Variants in BMP2K observed in about 807,000 individuals in gnomAD.
BMP2K encodes the protein BMP-2-inducible protein kinase.
Under a neutral mutation model 116.0 loss-of-function variants are expected in BMP2K, and 74 were observed. That is an observed-to-expected ratio of 0.64 (90% CI 0.53 to 0.77). The LOEUF (loss-of-function observed/expected upper bound fraction) is 0.77. Among genes scored for constraint, BMP2K ranks in the 30% least tolerant of loss-of-function variants. The pLI, the probability that BMP2K is intolerant of heterozygous loss-of-function variation, is 0.00. For synonymous variants in BMP2K, 486 were observed against 502.5 expected (o/e 0.97, Z 0.44); for missense variants, 1,365 against 1,403.6 (o/e 0.97, Z 0.44).
chr4:78,783,956 C>T (rs879414000), intron 1 of BMP2K, among the ~76,000 whole-genome samples: 5 of 151,928 alleles, frequency 3.3e-5, no homozygotes, highest in Admixed American at 1.3e-4. Context: ...GCTATGTCTT[C>T]GATATTTTAA....
intron 13 of BMP2K, among the ~76,000 whole-genome samples, chr4:78,877,515 T>C (rs2110065810): frequency 6.6e-6 from 1 of 152,262 alleles, no homozygotes; most frequent in East Asian, 1.9e-4. Context: ...CCACATCTTG[T>C]CTCACTGCAA....
chr4:78,905,158 C>A (rs1219114433), intron 15 of BMP2K, among the ~76,000 whole-genome samples: 2 of 151,452 alleles, frequency 1.3e-5, no homozygotes, highest in Non-Finnish European at 1.5e-5. Context: ...ATTGATTAAC[C>A]CTTTCGTTAA....
chr4:78,888,352 A>G (rs931106258), intron 15 of BMP2K, among the ~76,000 whole-genome samples: 1 of 152,180 alleles, frequency 6.6e-6, no homozygotes, highest in African/African-American at 2.4e-5. Context: ...TATACCCCCA[A>G]TACCCTGGGT....
chr4:78,910,334 G>A (rs1577987196), intron 15 of BMP2K, among the ~76,000 whole-genome samples: 1 of 152,186 alleles, frequency 6.6e-6, no homozygotes, highest in Non-Finnish European at 1.5e-5. Context: ...TACATTCTGT[G>A]TGCTATAAAT....
intron 15 of BMP2K, among the ~76,000 whole-genome samples, chr4:78,908,902 T>C (rs1196316494): frequency 6.6e-6 from 1 of 152,132 alleles, no homozygotes; most frequent in Non-Finnish European, 1.5e-5. Flanking sequence ...TTTCTGTTAA[T>C]GGTGCTGCCA....
At chr4:78,825,039 C>T (rs1729802719) in intron 1 of BMP2K, among the ~76,000 whole-genome samples, 1 of 152,052 alleles carries the variant, frequency 6.6e-6, no homozygotes, top group Non-Finnish European at 1.5e-5. Flanking sequence ...CTCGTCTCTA[C>T]TGAAAATACA....
rs185654897 is a variant in BMP2K at position 78,815,426 on chromosome 4, C to T, written c.179-10611C>T. Among the ~76,000 whole-genome samples the T allele has an allele frequency of 1.3e-4, 20 of 152,130 alleles. 1 individual carries two copies. Among genetic ancestry groups the T allele is most frequent in the Admixed American group, 1.2e-3 (19 of 15,274 alleles). On this transcript the variant is annotated intron_variant, in intron 1 of 15. Transcript: ENST00000502613. ...TTTTAAGTATAAAGAGGTAATTTCT[C>T]TTCAGGAAGAAGAGAGATGATAGCC... is the stretch of plus-strand genomic sequence containing the variant.
chr4:78,912,966 T>C lies in BMP2K; in HGVS notation c.*933T>C, dbSNP rs1466218637. Reference sequence around the variant, plus strand: ...TAATAAAGCAGATTATTGGAAAAATTGGAGGACAAGGGTTGTATAAAAATT... The same window carrying C: ...TAATAAAGCAGATTATTGGAAAAATCGGAGGACAAGGGTTGTATAAAAATT... On this transcript the variant is annotated 3_prime_UTR_variant, in exon 16 of 16. Coordinates refer to ENST00000502613, the MANE Select transcript of BMP2K (RefSeq NM_198892.2). 2 of 152,128 alleles carry C rather than the reference T, an allele frequency of 1.3e-5. No individual in the cohort carries two copies. Among genetic ancestry groups the C allele is most frequent in the African/African-American group, 2.4e-5 (1 of 41,436 alleles). The allele number at this position is 152,128 out of a possible 1,614,324, so 9.4% of individuals were successfully genotyped here. A position where few individuals can be genotyped will look rare whatever the true frequency, so the allele number is the denominator to read the frequency against.
chr4:78,872,099 A>G (rs774325092), intron 12 of BMP2K, 151 bp downstream of exon 12: 16 of 637,202 alleles, frequency 2.5e-5, no homozygotes, highest in Non-Finnish European at 4.2e-5. Context: ...ATTCTCAAGC[A>G]GCTTTAAATT....
intron 1 of BMP2K, among the ~76,000 whole-genome samples, chr4:78,792,550 C>T (rs1728053358): frequency 6.6e-6 from 1 of 152,192 alleles, no homozygotes; most frequent in Non-Finnish European, 1.5e-5. Flanking sequence ...GGAATTTGAA[C>T]TTTCAAAGAA....
chr4:78,878,839 T>C lies in BMP2K; in HGVS notation c.1899T>C (p.Ser633=), dbSNP rs1017088354. The change falls in exon 14 of 16, where the codon TCT becomes TCC. Residue 633 remains serine, a synonymous_variant. Coordinates refer to ENST00000502613, the MANE Select transcript of BMP2K (RefSeq NM_198892.2). The stretch of plus-strand genomic sequence containing the variant: ...ATCCTTTTGGAGAGGATAATTTCTC[T>C]AAGTTAACAGAAGAGGAACTATTGG... ...GWNPFGEDNF[S]KLTEEELLDR... 4 of 1,613,676 alleles carry C rather than the reference T, an allele frequency of 2.5e-6. No individual in the cohort carries two copies. The Admixed American group carries it at 6.7e-5, about 27-fold the overall frequency.
In BMP2K at chr4:78,887,295, C is replaced by T; in HGVS notation, c.2062+11C>T. ...TCATTTCTCATTCAGGCAAGTTACACATGTAACATCATCACTGTCACAAAT... is the reference window on the plus strand; with the variant it reads ...TCATTTCTCATTCAGGCAAGTTACATATGTAACATCATCACTGTCACAAAT... On this transcript the variant is annotated intron_variant, in intron 15 of 15. Transcript: ENST00000502613. 12 of 1,538,294 alleles carry T rather than the reference C, an allele frequency of 7.8e-6. No homozygotes were observed. The highest frequency in any genetic ancestry group is 1.8e-5 in the Admixed American group (1 of 56,950).
intron 10 of BMP2K, among the ~76,000 whole-genome samples, chr4:78,866,576 T>A (rs781346473): frequency 6.6e-6 from 1 of 152,202 alleles, no homozygotes; most frequent in Non-Finnish European, 1.5e-5. Flanking sequence ...ATGCCTTTGA[T>A]AAATGTTAAC....
intron 15 of BMP2K, among the ~76,000 whole-genome samples, chr4:78,908,772 G>C (rs565148579): frequency 6.6e-6 from 1 of 152,180 alleles, no homozygotes; most frequent in East Asian, 1.9e-4. Flanking sequence ...TAAAATTTGT[G>C]TGTGGGTACA....
intron 14 of BMP2K, among the ~76,000 whole-genome samples, chr4:78,880,882 A>G (rs79502202): frequency 6.6e-6 from 1 of 152,364 alleles, no homozygotes; most frequent in East Asian, 1.9e-4. Context: ...ACTAAGATCC[A>G]AAGGAAAGTG....
chr4:78,841,128 TG>T (rs749965788), intron 3 of BMP2K, among the ~76,000 whole-genome samples: 39 of 152,300 alleles, frequency 2.6e-4, no homozygotes, highest in South Asian at 2.1e-3. Context: ...ATGTTCTTTT[TG>T]CTTTAAAATT....
intron 7 of BMP2K, among the ~76,000 whole-genome samples, chr4:78,858,398 G>A (rs1425255085): frequency 6.6e-6 from 1 of 151,846 alleles, no homozygotes; most frequent in Non-Finnish European, 1.5e-5. Context: ...GTCTAGCAAT[G>A]GTGGTAAAAA....
intron 11 of BMP2K, 21 bp downstream of exon 11, chr4:78,871,081 G>A (rs1180670348): frequency 6.3e-7 from 1 of 1,598,498 alleles, no homozygotes; most frequent in Non-Finnish European, 8.5e-7. Flanking sequence ...TGTTTCTTTA[G>A]ATATGGAAGT....
At chr4:78,777,953 G>C (rs750355090) in intron 1 of BMP2K, among the ~76,000 whole-genome samples, 18 of 152,162 alleles carry the variant, frequency 1.2e-4, no homozygotes, top group Non-Finnish European at 2.6e-4. Flanking sequence ...GGAGAAGGAG[G>C]ATCCTTAGTT....
Sources: gnomAD v4.1 joint callset for allele counts (sites outside exome capture counted in the v4.1 genomes callset) on GRCh38, gnomAD v4.1.1 for gene constraint, MANE v1.5 for transcripts, NCBI Gene and HGNC (gene_info 2026-07-23, HGNC 2026-07-21) for gene names.